The following DZANK1 variants were observed in gnomAD, a reference collection of about 807,000 sequenced individuals.
The protein encoded by DZANK1 is double zinc ribbon and ankyrin repeat-containing protein 1.
A neutral mutation model predicts 94.5 loss-of-function variants in DZANK1; 91 were observed. The ratio of observed to expected loss-of-function variants is 0.96; its 90% CI spans 0.81 to 1.15. The LOEUF is 1.15. DZANK1 is among the 50% of genes most tolerant of loss of function. DZANK1 has a pLI of 0.00. For synonymous variants in DZANK1, 312 were observed against 325.3 expected, an observed-to-expected ratio of 0.96 and a Z score of 0.44; for missense variants, 903 against 916.4, an observed-to-expected ratio of 0.99 and a Z score of 0.19.
chr20:18,426,986 CG>C, intron 10 of DZANK1, 80 bp downstream of exon 10: 1 of 1,058,504 alleles, frequency 9.4e-7, no homozygotes, highest in South Asian at 2.1e-5. Context: ...CCAACCCCCT[CG>C]GCAGATTCTG....
At chr20:18,460,078 A>G (rs2059422021) in intron 3 of DZANK1, 75 bp downstream of exon 3, 3 of 1,123,388 alleles carry the variant, frequency 2.7e-6, no homozygotes, top group African/African-American at 3.2e-5. Flanking sequence ...TGATTCTGAT[A>G]GGAAAAAATG....
exon 2 of DZANK1, chr20:18,465,374 C>CTATA: frequency 7.1e-7 from 1 of 1,402,466 alleles, no homozygotes; most frequent in Non-Finnish European, 9.8e-7. Flanking sequence ...CTCTCTCTCT[C>CTATA]TCTCTCTATA....
At chr20:18,400,683 G>A (rs928906066) in intron 13 of DZANK1, among the ~76,000 whole-genome samples, 4 of 152,112 alleles carry the variant, frequency 2.6e-5, no homozygotes, top group East Asian at 3.9e-4. Flanking sequence ...ATGAGTAATC[G>A]AGACAACACT....
chr20:18,433,893 C>T (rs1239322878), intron 8 of DZANK1, 128 bp from the exon 9 acceptor site: 1 of 766,574 alleles, frequency 1.3e-6, no homozygotes, highest in Non-Finnish European at 2.1e-6. Flanking sequence ...ATCTCAAAAC[C>T]TAGGCAGGTC....
chr20:18,399,125 CAAAA>C (rs11387673), intron 13 of DZANK1, among the ~76,000 whole-genome samples: 1 of 127,576 alleles, frequency 7.8e-6, no homozygotes, highest in Non-Finnish European at 1.6e-5. Flanking sequence ...GACTACATCT[CAAAA>C]AAAAAAAAAA....
chr20:18,406,811 G>A (rs1441109143), intron 13 of DZANK1, among the ~76,000 whole-genome samples: 1 of 152,150 alleles, frequency 6.6e-6, no homozygotes, highest in Non-Finnish European at 1.5e-5. Flanking sequence ...CCAGAGGGGA[G>A]CCCACTGCCC....
chr20:18,431,724 A>G (rs1209117834), intron 9 of DZANK1, among the ~76,000 whole-genome samples: 1 of 152,180 alleles, frequency 6.6e-6, no homozygotes, highest in African/African-American at 2.4e-5. Flanking sequence ...CCCCACTTTC[A>G]ACCTTCAGGG....
chr20:18,452,883 T>C (rs919084901), intron 5 of DZANK1, 144 bp from the exon 6 acceptor site: 2 of 809,726 alleles, frequency 2.5e-6, no homozygotes, highest in Non-Finnish European at 1.8e-6. Flanking sequence ...TATAAAGAGC[T>C]CCCGCCACAC....
At chr20:18,434,802 C>T (rs1200798277) in intron 8 of DZANK1, among the ~76,000 whole-genome samples, 1 of 152,032 alleles carries the variant, frequency 6.6e-6, no homozygotes, top group Non-Finnish European at 1.5e-5. Context: ...TGCTGATGGG[C>T]AAGGATCACT....
At chr20:18,385,460 T>C (rs973768299) in intron 19 of DZANK1, among the ~76,000 whole-genome samples, 2 of 151,924 alleles carry the variant, frequency 1.3e-5, no homozygotes, top group Admixed American at 6.6e-5. Flanking sequence ...CTGTCACCCA[T>C]GGTGGAGTGC....
chr20:18,432,959 T>G (rs1196539897), intron 9 of DZANK1: 2 of 152,234 alleles, frequency 1.3e-5, no homozygotes, highest in Non-Finnish European at 2.9e-5. Flanking sequence ...CTAGTCATTC[T>G]TTTTCTCCAT....
In DZANK1 at chr20:18,449,105, T is replaced by C. The variant is rs527954553; in HGVS notation, c.544-36A>G. Reference sequence around the variant, plus strand: ...GAATATAGGTATAAAGACAGAGTCATATAGTCAAAATAACATGGTAAAGGC... The same window carrying C: ...GAATATAGGTATAAAGACAGAGTCACATAGTCAAAATAACATGGTAAAGGC... On this transcript the variant is annotated intron_variant, in intron 6 of 20. Coordinates refer to ENST00000262547, the Ensembl canonical transcript of DZANK1. 129 of 1,545,966 alleles carry C rather than the reference T, an allele frequency of 8.3e-5. 2 individuals carry two copies. The South Asian group carries it at 1.0e-3, about 12-fold the overall frequency.
chr20:18,410,032 C>CAAAAAA (rs33981503), intron 13 of DZANK1, among the ~76,000 whole-genome samples: 4 of 90,558 alleles, frequency 4.4e-5, no homozygotes, highest in Non-Finnish European at 6.4e-5. Flanking sequence ...GACTCCGTCT[C>CAAAAAA]AAAAAAAAAA....
intron 9 of DZANK1, 79 bp downstream of exon 9, chr20:18,433,573 C>G: frequency 2.2e-6 from 3 of 1,343,460 alleles, no homozygotes; most frequent in Non-Finnish European, 3.1e-6. Context: ...CCCCATCCCA[C>G]TAGCTGAAAA....
chr20:18,423,517 C>T (rs1332223959), intron 10 of DZANK1, among the ~76,000 whole-genome samples: 3 of 152,118 alleles, frequency 2.0e-5, no homozygotes, highest in African/African-American at 7.2e-5. Flanking sequence ...GCAACAATGA[C>T]AGAACACACA....
At chr20:18,422,325 A>C (rs1167971841) in intron 10 of DZANK1, among the ~76,000 whole-genome samples, 1 of 152,118 alleles carries the variant, frequency 6.6e-6, no homozygotes, top group Non-Finnish European at 1.5e-5. Context: ...TGTTCTTGGC[A>C]CTTTTGTTGA....
At chr20:18,457,143 G>T (rs547652318) in intron 3 of DZANK1, among the ~76,000 whole-genome samples, 1 of 152,280 alleles carries the variant, frequency 6.6e-6, no homozygotes, top group East Asian at 1.9e-4. Flanking sequence ...TGTCTATCAA[G>T]ATATAGGCTT....
exon 6 of DZANK1, chr20:18,452,649 C>T: frequency 6.2e-7 from 1 of 1,602,974 alleles, no homozygotes; most frequent in Non-Finnish European, 8.5e-7. Flanking sequence ...AGAACCTGAT[C>T]CTCCACCATA....
intron 19 of DZANK1, among the ~76,000 whole-genome samples, chr20:18,386,154 A>T (rs2048483389): frequency 6.6e-6 from 1 of 152,226 alleles, no homozygotes; most frequent in Admixed American, 6.5e-5. Context: ...CCTATGGAGA[A>T]AAAGGAGAGT....
Sources: allele counts gnomAD v4.1 joint callset (sites outside exome capture counted in the v4.1 genomes callset), GRCh38; gene constraint gnomAD v4.1.1; transcripts MANE v1.5; gene names NCBI Gene and HGNC (gene_info 2026-07-23, HGNC 2026-07-21).